Variants in SCARA3 observed in about 807,000 individuals in gnomAD.
SCARA3 encodes the protein cellular stress response gene protein.
A neutral mutation model predicts 47.0 loss-of-function variants in SCARA3; 39 were observed. The ratio of observed to expected loss-of-function variants is 0.83; its 90% CI spans 0.64 to 1.08. SCARA3 has a LOEUF of 1.08. SCARA3 is among the 50% of genes least tolerant of loss of function. SCARA3 has a pLI of 0.00. For synonymous variants in SCARA3, 356 were observed against 334.1 expected, an observed-to-expected ratio of 1.07 and a Z score of -0.71; for missense variants, 724 against 792.3, an observed-to-expected ratio of 0.91 and a Z score of 1.04.
At chr8:27,650,959 A>C (rs1438794032) in intron 2 of SCARA3, among the ~76,000 whole-genome samples, 2 of 152,270 alleles carry the variant, frequency 1.3e-5, no homozygotes, top group East Asian at 3.9e-4. Flanking sequence ...TCCTGGGCTC[A>C]AGTGATCCCC....
the SCARA3 span, among the ~76,000 whole-genome samples, chr8:27,710,478 T>C: frequency 1.3e-5 from 2 of 152,142 alleles, no homozygotes; most frequent in South Asian, 4.1e-4. Flanking sequence ...ATTCAAAGCA[T>C]AACGAAAGTA....
intron 4 of SCARA3, among the ~76,000 whole-genome samples, chr8:27,657,427 G>T (rs80118896): frequency 4.1e-5 from 6 of 146,886 alleles, no homozygotes; most frequent in Admixed American, 2.1e-4. Flanking sequence ...CACCCAGGTA[G>T]TGAGCCCAGG....
chr8:27,686,178 T>C, the SCARA3 span, among the ~76,000 whole-genome samples: 23 of 152,314 alleles, frequency 1.5e-4, no homozygotes, highest in Non-Finnish European at 2.2e-4. Context: ...TGGTGGCTCA[T>C]GCCTGTAACC....
chr8:27,703,570 T>C, the SCARA3 span: 1 of 152,224 alleles, frequency 6.6e-6, no homozygotes, highest in African/African-American at 2.4e-5. Context: ...CGCACAGCCA[T>C]GCCTGTTCCC....
Position 27,658,973 on chromosome 8 carries a change from C to T in SCARA3, c.803C>T (p.Thr268Ile), listed in dbSNP as rs566970369. The change falls in exon 5 of 6, where the codon ACC becomes ATC. Residue 268 changes from threonine (T) to isoleucine (I), a missense_variant. Thr to Ile is a moderately conservative substitution (Grantham distance 89). Coordinates refer to ENST00000301904, the MANE Select transcript of SCARA3 (RefSeq NM_016240.3). ...CGGCTCTTCAGCGGCCTGCGCACCA[C>T]CTCCACCAAGACTGGAGAGGCGGTC... ...YTRLFSGLRT[T>I]STKTGEAVKN... 6.2e-7 allele frequency: 1 copy of T among 1,614,172 alleles called. No individual in the cohort carries two copies. The highest frequency in any genetic ancestry group is 1.1e-5 in the South Asian group (1 of 91,074).
chr8:27,687,355 C>G, the SCARA3 span, among the ~76,000 whole-genome samples: 1 of 152,188 alleles, frequency 6.6e-6, no homozygotes, highest in Non-Finnish European at 1.5e-5. Flanking sequence ...TTTCTGAATA[C>G]AGCCACACTT....
intron 1 of SCARA3, among the ~76,000 whole-genome samples, chr8:27,640,060 A>T (rs981105021): frequency 1.3e-5 from 2 of 151,856 alleles, no homozygotes; most frequent in African/African-American, 4.8e-5. Context: ...GCATGGGGGG[A>T]CTTGGGGACA....
At chr8:27,644,471 T>C (rs1207511463) in intron 1 of SCARA3, among the ~76,000 whole-genome samples, 2 of 152,186 alleles carry the variant, frequency 1.3e-5, no homozygotes, top group African/African-American at 4.8e-5. Context: ...ATGATTCCCA[T>C]GCTGTCCCAA....
the SCARA3 span, among the ~76,000 whole-genome samples, chr8:27,719,537 T>TAA: frequency 3.3e-3 from 460 of 139,724 alleles, 5 homozygotes; most frequent in African/African-American, 0.011. Context: ...AAATAAAAGT[T>TAA]AAAAAAAAAA....
chr8:27,658,162 A>C (rs1380742698), intron 4 of SCARA3, among the ~76,000 whole-genome samples: 3 of 152,224 alleles, frequency 2.0e-5, no homozygotes, highest in Non-Finnish European at 4.4e-5. Context: ...ACAGATATAA[A>C]AATACTGGGA....
chr8:27,660,113 G>C (rs950439044), intron 5 of SCARA3, among the ~76,000 whole-genome samples: 1 of 151,866 alleles, frequency 6.6e-6, no homozygotes, highest in Non-Finnish European at 1.5e-5. Flanking sequence ...TCTGCCCCTG[G>C]AGGCTGTCAC....
intron 1 of SCARA3, among the ~76,000 whole-genome samples, chr8:27,644,960 G>C (rs1801461039): frequency 6.6e-6 from 1 of 152,188 alleles, no homozygotes; most frequent in Non-Finnish European, 1.5e-5. Flanking sequence ...GGAGCTTCAG[G>C]AGAAGAATAT....
chr8:27,634,421 AC>A (rs932555418), intron 1 of SCARA3, among the ~76,000 whole-genome samples: 1 of 151,160 alleles, frequency 6.6e-6, no homozygotes, highest in African/African-American at 2.4e-5. Context: ...ACACTCACAC[AC>A]CCCCCCTTGC....
At chr8:27,649,473 G>A (rs572388580) in intron 1 of SCARA3, among the ~76,000 whole-genome samples, 3 of 152,338 alleles carry the variant, frequency 2.0e-5, no homozygotes, top group Admixed American at 1.3e-4. Context: ...CTTTCCCAGC[G>A]TGTGGAAAAT....
chr8:27,665,416 T>C (rs1298900386), intron 5 of SCARA3, among the ~76,000 whole-genome samples: 1 of 152,152 alleles, frequency 6.6e-6, no homozygotes, highest in Non-Finnish European at 1.5e-5. Context: ...AATTTCAGTG[T>C]CTGTGCTAGA....
the SCARA3 span, among the ~76,000 whole-genome samples, chr8:27,730,305 A>G: frequency 6.6e-6 from 1 of 152,080 alleles, no homozygotes; most frequent in Non-Finnish European, 1.5e-5. Context: ...TCAACTCATT[A>G]TCTTCCCCTC....
the SCARA3 span, among the ~76,000 whole-genome samples, chr8:27,712,310 T>A: frequency 6.6e-6 from 1 of 152,156 alleles, no homozygotes; most frequent in African/African-American, 2.4e-5. Context: ...ATGCCTGTAA[T>A]CCCAGCACTT....
At chr8:27,647,320 G>A (rs1215182348) in intron 1 of SCARA3, among the ~76,000 whole-genome samples, 1 of 152,206 alleles carries the variant, frequency 6.6e-6, no homozygotes, top group East Asian at 1.9e-4. Flanking sequence ...TCTCAGACTA[G>A]TTGTAGGGAT....
At chr8:27,710,224 C>G in the SCARA3 span, among the ~76,000 whole-genome samples, 2 of 112,140 alleles carry the variant, frequency 1.8e-5, no homozygotes, top group Non-Finnish European at 3.8e-5. Context: ...AGCGAGACTC[C>G]GTCTCAAAAA....
Sources: gnomAD v4.1 joint callset for allele counts (sites outside exome capture counted in the v4.1 genomes callset) on GRCh38, gnomAD v4.1.1 for gene constraint, MANE v1.5 for transcripts, NCBI Gene and HGNC (gene_info 2026-07-23, HGNC 2026-07-21) for gene names.